The following ADAMTSL3 variants were observed in gnomAD, a reference collection of about 807,000 sequenced individuals.
The protein encoded by ADAMTSL3 is ADAMTS like 3.
A neutral mutation model predicts 201.7 loss-of-function variants in ADAMTSL3; 128 were observed. The ratio of observed to expected loss-of-function variants is 0.63; its 90% CI spans 0.55 to 0.73. The LOEUF (loss-of-function observed/expected upper bound fraction) is 0.73. Among genes scored for constraint, ADAMTSL3 ranks in the 30% least tolerant of loss-of-function variants. The pLI is 0.00. For synonymous variants in ADAMTSL3, 738 were observed against 748.4 expected (o/e 0.99, Z 0.23); for missense variants, 1,990 against 2,119.6 (o/e 0.94, Z 1.20).
At chr15:83,786,576 C>T (rs1356089905) in intron 4 of ADAMTSL3, among the ~76,000 whole-genome samples, 1 of 151,956 alleles carries the variant, frequency 6.6e-6, no homozygotes, top group African/African-American at 2.4e-5. Context: ...TTTTTGTACC[C>T]AACCTAGTGA....
In ADAMTSL3 at chr15:83,924,027, C is replaced by T; in HGVS notation, c.2111C>T (p.Pro704Leu). ...CAGGCCTGTAACACAGAGCCCTGTC[C>T]CCCCAGGTATGTGCTGTCTTGTGTT... ...MSQACNTEPCPPRWHVGSWGP... is the reference protein window; with the variant it reads ...MSQACNTEPCLPRWHVGSWGP... Residue 704 changes from proline (P) to leucine (L), a missense_variant, in exon 17 of 30, where the codon CCC becomes CTC. Pro to Leu is a moderately conservative substitution (Grantham distance 98). Coordinates refer to ENST00000286744, the MANE Select transcript of ADAMTSL3 (RefSeq NM_207517.3). 1 of 1,614,004 alleles carries T rather than the reference C, an allele frequency of 6.2e-7. No homozygotes were observed. The highest frequency in any genetic ancestry group is 1.3e-5 in the African/African-American group (1 of 75,044).
chr15:83,731,875 A>G (rs1197220739), intron 3 of ADAMTSL3, among the ~76,000 whole-genome samples: 1 of 152,056 alleles, frequency 6.6e-6, no homozygotes, highest in Non-Finnish European at 1.5e-5. Context: ...TATACGTGAA[A>G]TCTAAAGATT....
chr15:83,698,282 A>G (rs867721471), intron 2 of ADAMTSL3, among the ~76,000 whole-genome samples: 5 of 148,604 alleles, frequency 3.4e-5, no homozygotes, highest in African/African-American at 9.9e-5. Flanking sequence ...AGAATGCTCA[A>G]CTCTTGTCCT....
intron 4 of ADAMTSL3, among the ~76,000 whole-genome samples, chr15:83,778,169 A>C (rs2141772240): frequency 6.6e-6 from 1 of 152,312 alleles, no homozygotes; most frequent in African/African-American, 2.4e-5. Context: ...AAAGAGGGGG[A>C]TAATGGAACC....
chr15:83,847,009 T>C (rs1337941467), intron 7 of ADAMTSL3, among the ~76,000 whole-genome samples: 1 of 152,206 alleles, frequency 6.6e-6, no homozygotes, highest in Non-Finnish European at 1.5e-5. Flanking sequence ...CATGGTCTTT[T>C]GAGGTAAAGG....
intron 15 of ADAMTSL3, among the ~76,000 whole-genome samples, chr15:83,910,524 T>G (rs962573223): frequency 6.6e-6 from 1 of 151,564 alleles, no homozygotes; most frequent in African/African-American, 2.4e-5. Context: ...TAACATTTAC[T>G]TTTTAACAGG....
At chr15:83,704,762 G>T (rs963956164) in intron 3 of ADAMTSL3, among the ~76,000 whole-genome samples, 2 of 152,140 alleles carry the variant, frequency 1.3e-5, no homozygotes, top group African/African-American at 2.4e-5. Context: ...AATATATGAT[G>T]GATTTGTTCA....
chr15:83,666,585 C>T (rs1290803251), intron 2 of ADAMTSL3, among the ~76,000 whole-genome samples: 2 of 152,094 alleles, frequency 1.3e-5, no homozygotes, highest in Admixed American at 6.6e-5. Flanking sequence ...CACCTGTACT[C>T]CCAGCACTTT....
intron 7 of ADAMTSL3, among the ~76,000 whole-genome samples, chr15:83,846,561 C>T (rs1272688362): frequency 6.6e-6 from 1 of 152,230 alleles, no homozygotes; most frequent in African/African-American, 2.4e-5. Flanking sequence ...CTTGTTTCCC[C>T]TTGGCAGAGC....
chr15:83,690,779 A>G (rs1294168996), intron 2 of ADAMTSL3, among the ~76,000 whole-genome samples: 1 of 152,216 alleles, frequency 6.6e-6, no homozygotes, highest in African/African-American at 2.4e-5. Flanking sequence ...CAGTAGTACT[A>G]AGGCTTACAT....
At chr15:83,822,574 C>CTGCAATCTCGGCACTTTG (rs2063906146) in intron 6 of ADAMTSL3, among the ~76,000 whole-genome samples, 1 of 145,098 alleles carries the variant, frequency 6.9e-6, no homozygotes, top group Non-Finnish European at 1.5e-5. Flanking sequence ...GGGGCAGAGG[C>CTGCAATCTCGGCACTTTG]GCTCCCCACA....
At chr15:83,714,824 T>TTTTTC (rs1567093109) in intron 3 of ADAMTSL3, among the ~76,000 whole-genome samples, 23 of 98,392 alleles carry the variant, frequency 2.3e-4, no homozygotes, top group Non-Finnish European at 3.3e-4. Context: ...CTTTCTTTCC[T>TTTTTC]TCTCTCTCTC....
chr15:84,016,512 G>T lies in ADAMTSL3; in HGVS notation c.4273+13G>T. ...CCCCCGCCTCAAGGTCTGGGATTTT[G>T]ACCTTTTCAGATTTGCTATGTGTGA... On this transcript the variant is annotated intron_variant, in intron 25 of 29. Coordinates refer to ENST00000286744, the MANE Select transcript of ADAMTSL3 (RefSeq NM_207517.3). 5 of 1,603,170 alleles carry T rather than the reference G, an allele frequency of 3.1e-6. No homozygotes were observed. The South Asian group carries it at 3.3e-5, about 11-fold the overall frequency.
chr15:83,812,857 T>A (rs2063718645), intron 5 of ADAMTSL3, among the ~76,000 whole-genome samples: 1 of 152,212 alleles, frequency 6.6e-6, no homozygotes, highest in South Asian at 2.1e-4. Flanking sequence ...ATTAATGTAA[T>A]CCTCACACTA....
intron 2 of ADAMTSL3, among the ~76,000 whole-genome samples, chr15:83,696,387 C>T (rs1269167860): frequency 4.6e-5 from 7 of 152,182 alleles, no homozygotes; most frequent in Non-Finnish European, 7.4e-5. Context: ...GCTTTGGTTG[C>T]TGTTAATAGA....
chr15:83,841,824 T>C (rs2064382001), intron 7 of ADAMTSL3, among the ~76,000 whole-genome samples: 1 of 151,890 alleles, frequency 6.6e-6, no homozygotes, highest in Admixed American at 6.5e-5. Context: ...CCCCCCATTC[T>C]GTGTCTATAA....
intron 20 of ADAMTSL3, among the ~76,000 whole-genome samples, chr15:83,976,178 A>G (rs143776358): frequency 6.0e-4 from 91 of 152,232 alleles, no homozygotes; most frequent in African/African-American, 2.0e-3. Context: ...GGTAGCTATC[A>G]TTTGTTGTGG....
rs12595485 is a variant in ADAMTSL3 at position 84,019,988 on chromosome 15, C to T, written c.4274-1422C>T. ...ACTAATGTATACTGATAGAAATGGA[C>T]GAGTTGCTGCCTGGGAGGGGAGAGC... On this transcript the variant is annotated intron_variant, in intron 25 of 29. Coordinates refer to ENST00000286744, the MANE Select transcript of ADAMTSL3 (RefSeq NM_207517.3). 1.7e-3 allele frequency among the ~76,000 whole-genome samples: 252 copies of T among 150,912 alleles called. 6 individuals are homozygous for T. The East Asian group carries it at 0.045, about 27-fold the overall frequency.
At chr15:83,946,970 G>T (rs2142049050) in intron 19 of ADAMTSL3, among the ~76,000 whole-genome samples, 1 of 152,324 alleles carries the variant, frequency 6.6e-6, no homozygotes, top group East Asian at 1.9e-4. Flanking sequence ...GGCAGCCTCA[G>T]CCTGTGACAC....
Sources: gnomAD v4.1 joint callset for allele counts (sites outside exome capture counted in the v4.1 genomes callset) on GRCh38, gnomAD v4.1.1 for gene constraint, MANE v1.5 for transcripts, NCBI Gene and HGNC (gene_info 2026-07-23, HGNC 2026-07-21) for gene names.